The following ITPKB variants were observed in gnomAD, a reference collection of about 807,000 sequenced individuals.
The protein encoded by ITPKB is inositol-trisphosphate 3-kinase B.
In ITPKB, 13 loss-of-function variants were observed where a neutral mutation model predicts 69.4. That is an observed-to-expected ratio of 0.19 (90% CI 0.12 to 0.30). The LOEUF (loss-of-function observed/expected upper bound fraction) is 0.30. Ranked by LOEUF, ITPKB falls within the 10% of genes least tolerant of loss-of-function variation. The probability of loss-of-function intolerance (pLI) is 1.00; values close to 1 mark genes in which losing one functional copy is unlikely to be tolerated. For missense variants in ITPKB, 1,240 were observed against 1,250.5 expected (o/e 0.99, Z 0.13); for synonymous variants, 584 against 513.7 (o/e 1.14, Z -1.85).
intron 2 of ITPKB, among the ~76,000 whole-genome samples, chr1:226,672,541 T>C (rs1318376154): frequency 6.6e-6 from 1 of 152,182 alleles, no homozygotes; most frequent in African/African-American, 2.4e-5. Flanking sequence ...TGGGCAGCTG[T>C]CCTCCACCTT....
intron 2 of ITPKB, among the ~76,000 whole-genome samples, chr1:226,718,574 C>G (rs936484328): frequency 6.6e-6 from 1 of 152,050 alleles, no homozygotes; most frequent in Non-Finnish European, 1.5e-5. Context: ...CACCCCAACC[C>G]GGGCAAGCTA....
At chr1:226,706,578 A>G (rs1425417176) in intron 2 of ITPKB, among the ~76,000 whole-genome samples, 4 of 152,204 alleles carry the variant, frequency 2.6e-5, no homozygotes, top group African/African-American at 7.2e-5. Flanking sequence ...CCAAAATGGC[A>G]TAAGACCCAA....
Position 226,641,631 on chromosome 1 carries a change from C to G in ITPKB, c.2451+290G>C, listed in dbSNP as rs1245747861. On this transcript the variant is annotated intron_variant, in intron 5 of 7. Coordinates refer to ENST00000429204, the MANE Select transcript of ITPKB (RefSeq NM_002221.4). This position sits in a 1 kb window ranked among gnomAD's most constrained non-coding sequence, Gnocchi z 4.6. ...ACAGGCATCCCGCAGGTGCCTCTCG[C>G]CTGGCTTTCGGTGCCAGGCACCGTC... Among the ~76,000 whole-genome samples, 1 of 152,232 alleles carries G rather than the reference C, an allele frequency of 6.6e-6. No individual in the cohort carries two copies. Among genetic ancestry groups the G allele is most frequent in the Non-Finnish European group, 1.5e-5 (1 of 68,040 alleles).
At chr1:226,707,951 A>C (rs1327129739) in intron 2 of ITPKB, 1 of 1,306,318 alleles carries the variant, frequency 7.7e-7, no homozygotes, top group East Asian at 4.9e-5. Flanking sequence ...TTTAACAAAA[A>C]TACTCATGGC....
Position 226,666,088 on chromosome 1 carries a change from G to A in ITPKB, c.1933-17317C>T, listed in dbSNP as rs570364681. Among the ~76,000 whole-genome samples, 256 of 152,316 alleles carry A rather than the reference G, an allele frequency of 1.7e-3. 2 individuals are homozygous for A. The highest frequency in any genetic ancestry group is 6.0e-3 in the African/African-American group (248 of 41,568). On this transcript the variant is annotated intron_variant, in intron 2 of 7. Transcript: ENST00000429204. Reference sequence around the variant, plus strand: ...AGAAATGACAGACATGACCGCAGAGGGCTACCAATGGGCTTCTCAGAAGAT... The same window carrying A: ...AGAAATGACAGACATGACCGCAGAGAGCTACCAATGGGCTTCTCAGAAGAT...
At chr1:226,703,976 A>T (rs1281514350) in intron 2 of ITPKB, among the ~76,000 whole-genome samples, 2 of 152,022 alleles carry the variant, frequency 1.3e-5, no homozygotes, top group Non-Finnish European at 2.9e-5. Flanking sequence ...AAAAATCTTC[A>T]TTTCTTTGGA....
chr1:226,698,457 G>A (rs72754527), intron 2 of ITPKB, among the ~76,000 whole-genome samples: 68 of 152,320 alleles, frequency 4.5e-4, no homozygotes, highest in Non-Finnish European at 8.7e-4. Flanking sequence ...ACTGGAAAGT[G>A]TGTGCCTTCA....
At chr1:226,704,700 T>C (rs539163787) in intron 2 of ITPKB, among the ~76,000 whole-genome samples, 9 of 152,344 alleles carry the variant, frequency 5.9e-5, no homozygotes, top group African/African-American at 1.9e-4. Flanking sequence ...TCAGAGATCA[T>C]TGGCTACTTA....
intron 2 of ITPKB, among the ~76,000 whole-genome samples, chr1:226,669,463 A>G (rs1669570445): frequency 1.3e-5 from 2 of 152,176 alleles, no homozygotes. Flanking sequence ...CAGCTTCCCA[A>G]CAAGAAGGTC....
At chr1:226,718,851 C>G (rs1158187050) in intron 2 of ITPKB, among the ~76,000 whole-genome samples, 1 of 152,212 alleles carries the variant, frequency 6.6e-6, no homozygotes, top group African/African-American at 2.4e-5. Flanking sequence ...TACGACCCAG[C>G]AACTGCACTC....
chr1:226,636,220 G>A (rs1354241307), intron 7 of ITPKB, among the ~76,000 whole-genome samples: 1 of 152,238 alleles, frequency 6.6e-6, no homozygotes, highest in African/African-American at 2.4e-5. Context: ...CGTCCAGAGA[G>A]GCAGCTGGGG....
intron 2 of ITPKB, among the ~76,000 whole-genome samples, chr1:226,685,187 T>C (rs1656179072): frequency 6.6e-6 from 1 of 152,210 alleles, no homozygotes; most frequent in African/African-American, 2.4e-5. Flanking sequence ...CACCTCCATC[T>C]GCGGACGCCC....
rs750011126 is a variant in ITPKB at position 226,736,235 on chromosome 1, G to A, written c.1224C>T (p.Ser408=). 2 of 1,544,148 alleles carry A rather than the reference G, an allele frequency of 1.3e-6. No homozygotes were observed. The highest frequency in any genetic ancestry group is 1.4e-5 in the African/African-American group (1 of 72,666). ...VSVQSAESSD[S]LSWSRLPRAL... ...CCCTGGGCAGCCTGGACCAGCTCAGGGAATCAGAGGACTCTGCGCTTTGCA... is the reference window on the plus strand; with the variant it reads ...CCCTGGGCAGCCTGGACCAGCTCAGAGAATCAGAGGACTCTGCGCTTTGCA... Residue 408 remains serine, a synonymous_variant, in exon 2 of 8, where the codon TCC becomes TCT. Transcript: ENST00000429204.
At chr1:226,688,066 C>T (rs1378375505) in intron 2 of ITPKB, among the ~76,000 whole-genome samples, 2 of 152,196 alleles carry the variant, frequency 1.3e-5, no homozygotes, top group Non-Finnish European at 2.9e-5. Context: ...AGAAGCCATA[C>T]CAAGTCTCAG....
chr1:226,681,196 G>A (rs991046852), intron 2 of ITPKB, among the ~76,000 whole-genome samples: 1 of 152,142 alleles, frequency 6.6e-6, no homozygotes, highest in East Asian at 1.9e-4. Flanking sequence ...CACAGACAGT[G>A]TTGCTGGTTC....
Position 226,738,688 on chromosome 1 carries a change from AG to A in ITPKB, c.-206+352del, listed in dbSNP as rs1238818159. Among the ~76,000 whole-genome samples, 1 of 152,120 alleles carries A rather than the reference AG, an allele frequency of 6.6e-6. No individual in the cohort carries two copies. The highest frequency in any genetic ancestry group is 1.5e-5 in the Non-Finnish European group (1 of 68,004). On this transcript the variant is annotated intron_variant, in intron 1 of 7. Coordinates refer to ENST00000429204, the MANE Select transcript of ITPKB (RefSeq NM_002221.4). This position sits in a 1 kb window ranked among gnomAD's most constrained non-coding sequence, Gnocchi z 4.2. ...CCAGGAGCCGGCGCTCTAACACCCC[AG>A]GGCAGCGCCGCGGAGCGCAGGGCTT... is the stretch of plus-strand genomic sequence containing the variant.
intron 2 of ITPKB, among the ~76,000 whole-genome samples, chr1:226,709,348 C>T (rs564397484): frequency 2.0e-5 from 3 of 152,328 alleles, no homozygotes; most frequent in Non-Finnish European, 2.9e-5. Flanking sequence ...GGCTGCCTGT[C>T]TGGGCTGCCG....
rs1377888728 is a variant in ITPKB at position 226,637,199 on chromosome 1, C to T, written c.2625+480G>A. On this transcript the variant is annotated intron_variant, in intron 7 of 7. Transcript: ENST00000429204. This position sits in a 1 kb window ranked among gnomAD's most constrained non-coding sequence, Gnocchi z 4.3. ...GCCTCTCTCAGGTGTCTCAGTTCCC[C>T]ACCTGCTGCCTGCTGCCCCTGCCAA... Among the ~76,000 whole-genome samples the T allele has an allele frequency of 6.6e-6, 1 of 152,204 alleles. No individual in the cohort carries two copies. The highest frequency in any genetic ancestry group is 2.4e-5 in the African/African-American group (1 of 41,444).
chr1:226,632,550 A>C lies in ITPKB; in HGVS notation c.*2121T>G, dbSNP rs1668749083. 6.6e-6 allele frequency: 1 copy of C among 152,438 alleles called. No individual in the cohort carries two copies. The highest frequency in any genetic ancestry group is 2.1e-4 in the South Asian group (1 of 4,830). The allele number at this position is 152,438 out of a possible 1,614,324, so 9.4% of individuals were successfully genotyped here. A position where few individuals can be genotyped will look rare whatever the true frequency, so the allele number is the denominator to read the frequency against. ...AAACAGAAAACAAAAACCCTAAGTA[A>C]CAGAATAACCCTAAAATGATGCTAC... On this transcript the variant is annotated 3_prime_UTR_variant, in exon 8 of 8. Coordinates refer to ENST00000429204, the MANE Select transcript of ITPKB (RefSeq NM_002221.4).
Sources: gnomAD v4.1 joint callset for allele counts (sites outside exome capture counted in the v4.1 genomes callset) on GRCh38, gnomAD v4.1.1 for gene constraint, Gnocchi (gnomAD v3.1) non-coding constraint, MANE v1.5 for transcripts, NCBI Gene and HGNC (gene_info 2026-07-23, HGNC 2026-07-21) for gene names.